The following GABBR2 variants were observed in gnomAD, a reference collection of about 807,000 sequenced individuals.
The protein encoded by GABBR2 is G-protein coupled receptor 51.
GABBR2 carries 23 observed loss-of-function variants against 105.6 expected under a neutral mutation model. The observed-to-expected ratio is 0.22, with a 90% CI of 0.16 to 0.31. The LOEUF is 0.31. Ranked by LOEUF, GABBR2 falls within the 10% of genes least tolerant of loss-of-function variation. GABBR2 has a pLI of 1.00. For synonymous variants in GABBR2, 478 were observed against 499.7 expected (o/e 0.96, Z 0.58); for missense variants, 734 against 1,245.5 (o/e 0.59, Z 6.18).
intron 1 of GABBR2, among the ~76,000 whole-genome samples, chr9:98,696,168 G>C (rs569648791): frequency 6.6e-6 from 1 of 152,194 alleles, no homozygotes; most frequent in Non-Finnish European, 1.5e-5. Flanking sequence ...TAATCGGGGA[G>C]GACAGAGAAT....
chr9:98,407,910 G>A (rs540777836), intron 7 of GABBR2, among the ~76,000 whole-genome samples: 2 of 152,136 alleles, frequency 1.3e-5, no homozygotes, highest in East Asian at 3.9e-4. Context: ...GTACTAACAG[G>A]AACTCCTCCC....
chr9:98,479,322 G>A (rs1407931535), intron 5 of GABBR2, among the ~76,000 whole-genome samples: 5 of 152,182 alleles, frequency 3.3e-5, no homozygotes, highest in African/African-American at 1.2e-4. Context: ...GTACTATGCA[G>A]AGGGTTTTTG....
chr9:98,423,951 T>A (rs1029958042), intron 7 of GABBR2, among the ~76,000 whole-genome samples: 1 of 152,202 alleles, frequency 6.6e-6, no homozygotes, highest in African/African-American at 2.4e-5. Flanking sequence ...CTCCGTTCTG[T>A]TCTATATCTA....
At chr9:98,359,394 C>T (rs1437756801) in intron 13 of GABBR2, among the ~76,000 whole-genome samples, 4 of 152,152 alleles carry the variant, frequency 2.6e-5, no homozygotes, top group Non-Finnish European at 5.9e-5. Context: ...CATGCCACTG[C>T]ACTCCAGCCT....
chr9:98,428,583 T>G (rs1821744646), intron 7 of GABBR2, among the ~76,000 whole-genome samples: 1 of 152,116 alleles, frequency 6.6e-6, no homozygotes, highest in Non-Finnish European at 1.5e-5. Flanking sequence ...TGCTCAGCCT[T>G]GAAGTTCTGT....
intron 2 of GABBR2, among the ~76,000 whole-genome samples, chr9:98,576,685 T>A (rs1832552440): frequency 6.6e-6 from 1 of 151,924 alleles, no homozygotes; most frequent in African/African-American, 2.4e-5. Flanking sequence ...ATTAAAAGAG[T>A]TCACGCAGAA....
At chr9:98,487,996 G>T (rs142484552) in intron 4 of GABBR2, among the ~76,000 whole-genome samples, 1 of 152,212 alleles carries the variant, frequency 6.6e-6, no homozygotes, top group East Asian at 1.9e-4. Flanking sequence ...AAACATGGCC[G>T]AGGCAGAGAC....
chr9:98,396,800 C>T (rs184862539), intron 8 of GABBR2, among the ~76,000 whole-genome samples: 1 of 152,206 alleles, frequency 6.6e-6, no homozygotes, highest in East Asian at 1.9e-4. Flanking sequence ...CGCACCCCGG[C>T]CACACAGCCT....
chr9:98,514,154 A>C (rs1183534897), intron 3 of GABBR2, among the ~76,000 whole-genome samples: 1 of 133,388 alleles, frequency 7.5e-6, no homozygotes, highest in Non-Finnish European at 1.7e-5. Context: ...TATCGCAAGA[A>C]CAAAAAACCA....
chr9:98,306,020 A>G lies in GABBR2; in HGVS notation c.2229+101T>C, dbSNP rs376486505. The G allele has an allele frequency of 4.7e-5, 36 of 761,846 alleles. No homozygotes were observed. The African/African-American group carries it at 6.0e-4, about 13-fold the overall frequency. The allele number at this position is 761,846 out of a possible 1,614,324, so 47.2% of individuals were successfully genotyped here. On this transcript the variant is annotated intron_variant, in intron 15 of 18. Transcript: ENST00000259455. The surrounding 1 kb of genome is among the most constrained non-coding windows in gnomAD (Gnocchi z 5.4). The stretch of plus-strand genomic sequence containing the variant: ...GTGAATTGTCTTCATCATAAAAAAA[A>G]AAAGGAATGGGTAAACCTTTTAGAG...
At chr9:98,552,799 C>A (rs534065771) in intron 2 of GABBR2, among the ~76,000 whole-genome samples, 5 of 152,268 alleles carry the variant, frequency 3.3e-5, no homozygotes, top group African/African-American at 1.2e-4. Context: ...TTTCTCCTTT[C>A]TGTTAATGAG....
intron 11 of GABBR2, among the ~76,000 whole-genome samples, chr9:98,385,407 A>G (rs1033392485): frequency 2.0e-5 from 3 of 152,046 alleles, no homozygotes; most frequent in Non-Finnish European, 2.9e-5. Flanking sequence ...GGGTTTCACC[A>G]TGTTGCCCGG....
chr9:98,423,449 TG>T (rs1240607635), intron 7 of GABBR2, among the ~76,000 whole-genome samples: 1 of 152,224 alleles, frequency 6.6e-6, no homozygotes, highest in East Asian at 1.9e-4. Flanking sequence ...CACTTTTTGA[TG>T]GGGTTGTTTT....
At chr9:98,364,373 C>T (rs1400668972) in intron 12 of GABBR2, among the ~76,000 whole-genome samples, 2 of 152,156 alleles carry the variant, frequency 1.3e-5, no homozygotes, top group Admixed American at 6.5e-5. Context: ...GGCATTTGTC[C>T]AGCTATTCCT....
chr9:98,290,555 G>T lies in GABBR2; in HGVS notation c.*29C>A. 1 of 1,343,744 alleles carries T rather than the reference G, an allele frequency of 7.4e-7. No individual in the cohort carries two copies. Among genetic ancestry groups the T allele is most frequent in the South Asian group, 2.3e-5 (1 of 42,888 alleles). The allele number at this position is 1,343,744 out of a possible 1,614,324, so 83.2% of individuals were successfully genotyped here. A position where few individuals can be genotyped will look rare whatever the true frequency, so the allele number is the denominator to read the frequency against. ...TCTGCCCAGTGTGGTTCTGTCACGG[G>T]GGAGGCCCCGGGCCCAGGCCTCCCA... is the stretch of plus-strand genomic sequence containing the variant. On this transcript the variant is annotated 3_prime_UTR_variant, in exon 19 of 19. Coordinates refer to ENST00000259455, the MANE Select transcript of GABBR2 (RefSeq NM_005458.8).
intron 8 of GABBR2, among the ~76,000 whole-genome samples, chr9:98,398,546 C>T (rs563542546): frequency 6.6e-6 from 1 of 152,238 alleles, no homozygotes; most frequent in South Asian, 2.1e-4. Context: ...CAAGCTAAAA[C>T]CTGCTCTGTG....
chr9:98,393,653 A>G (rs1832235197), intron 9 of GABBR2, among the ~76,000 whole-genome samples: 1 of 152,264 alleles, frequency 6.6e-6, no homozygotes, highest in Admixed American at 6.5e-5. Flanking sequence ...TATCAATGTA[A>G]AGTGACAGTG....
At chr9:98,612,207 C>T (rs530821945) in intron 1 of GABBR2, among the ~76,000 whole-genome samples, 1 of 152,366 alleles carries the variant, frequency 6.6e-6, no homozygotes, top group East Asian at 1.9e-4. Context: ...CTCTCAGAGG[C>T]AGAGAGCACA....
At chr9:98,292,143 C>T (rs1028188916) in intron 18 of GABBR2, among the ~76,000 whole-genome samples, 13 of 152,204 alleles carry the variant, frequency 8.5e-5, no homozygotes, top group Admixed American at 2.0e-4. Context: ...ACTTTCACAC[C>T]GCATTCCTTG....
Sources: allele counts gnomAD v4.1 joint callset (sites outside exome capture counted in the v4.1 genomes callset), GRCh38; gene constraint gnomAD v4.1.1; non-coding constraint Gnocchi (gnomAD v3.1); transcripts MANE v1.5; gene names NCBI Gene and HGNC (gene_info 2026-07-23, HGNC 2026-07-21).